Variants in ADAMTS2 observed in about 807,000 individuals in gnomAD.
ADAMTS2 encodes the protein ADAM metallopeptidase with thrombospondin type 1 motif 2.
Under a neutral mutation model 123.0 loss-of-function variants are expected in ADAMTS2, and 50 were observed. The observed-to-expected ratio is 0.41, with a 90% confidence interval of 0.32 to 0.51. The LOEUF (loss-of-function observed/expected upper bound fraction) is 0.51, where lower values mean the gene tolerates loss of function less well. Among genes scored for constraint, ADAMTS2 ranks in the 20% least tolerant of loss-of-function variants. ADAMTS2 has a pLI of 0.35. For missense variants in ADAMTS2, 1,494 were observed against 1,705.2 expected (o/e 0.88, Z 2.18); for synonymous variants, 678 against 695.4 (o/e 0.98, Z 0.39).
intron 2 of ADAMTS2, among the ~76,000 whole-genome samples, chr5:179,289,349 T>C (rs1422901432): frequency 6.6e-6 from 1 of 152,080 alleles, no homozygotes; most frequent in Non-Finnish European, 1.5e-5. Flanking sequence ...AATAACTGAA[T>C]AATAAATAAG....
At chr5:179,233,280 T>C (rs1217532903) in intron 3 of ADAMTS2, among the ~76,000 whole-genome samples, 1 of 152,242 alleles carries the variant, frequency 6.6e-6, no homozygotes, top group Admixed American at 6.5e-5. Flanking sequence ...TGACTGAACA[T>C]CATCAGTGCC....
At chr5:179,179,693 C>T (rs1259269637) in intron 5 of ADAMTS2, among the ~76,000 whole-genome samples, 4 of 152,134 alleles carry the variant, frequency 2.6e-5, no homozygotes, top group Admixed American at 6.5e-5. Flanking sequence ...AACTGGCATC[C>T]GCCCTGTGGG....
At position 179,341,072 on chromosome 5, in the gene ADAMTS2, T is replaced by C. The variant is rs181259045; in HGVS notation, c.534+2695A>G. 2.1e-3 allele frequency among the ~76,000 whole-genome samples: 315 copies of C among 152,262 alleles called. 2 individuals are homozygous for C. Among genetic ancestry groups the C allele is most frequent in the African/African-American group, 6.8e-3 (281 of 41,532 alleles). On this transcript the variant is annotated intron_variant, in intron 2 of 21. Transcript: ENST00000251582. ...CCTCCCAGAGCCTGAGTGCTCCACC[T>C]GTAACCAGGGATGAGATGCCTCCCC... is the stretch of plus-strand genomic sequence containing the variant.
chr5:179,111,452 A>G lies in ADAMTS2; in HGVS notation c.*2415T>C, dbSNP rs1481962384. On this transcript the variant is annotated 3_prime_UTR_variant, in exon 22 of 22. Coordinates refer to ENST00000251582, the MANE Select transcript of ADAMTS2 (RefSeq NM_014244.5). ...CGGTGAACGTTGGCATTCCTTGGAC[A>G]GACTTTTGAGGACCATCCGGCTCTA... 1 of 152,302 alleles carries G rather than the reference A, an allele frequency of 6.6e-6. No individual in the cohort carries two copies. Among genetic ancestry groups the G allele is most frequent in the African/African-American group, 2.4e-5 (1 of 41,464 alleles). The allele number at this position is 152,302 out of a possible 1,614,324, so 9.4% of individuals were successfully genotyped here.
intron 21 of ADAMTS2, among the ~76,000 whole-genome samples, chr5:179,114,603 T>C (rs1340467210): frequency 2.0e-5 from 3 of 152,344 alleles, no homozygotes; most frequent in East Asian, 1.9e-4. Flanking sequence ...TCAGTATCTC[T>C]TAAAGTTTGA....
At chr5:179,288,578 A>C (rs1219938297) in intron 2 of ADAMTS2, among the ~76,000 whole-genome samples, 4 of 152,204 alleles carry the variant, frequency 2.6e-5, no homozygotes, top group Admixed American at 1.3e-4. Flanking sequence ...GTGAGCCCAC[A>C]CTGGTGACTC....
chr5:179,211,137 G>A (rs868001045), intron 3 of ADAMTS2, among the ~76,000 whole-genome samples: 66 of 152,248 alleles, frequency 4.3e-4, no homozygotes, highest in African/African-American at 1.5e-3. Flanking sequence ...CAAGGCAGAA[G>A]AGGGCTATTT....
Position 179,296,180 on chromosome 5 carries a change from G to A in ADAMTS2, c.535-23116C>T, listed in dbSNP as rs1050058842. Among the ~76,000 whole-genome samples the A allele has an allele frequency of 3.3e-5, 5 of 152,322 alleles. No individual in the cohort carries two copies. In the East Asian group the frequency reaches 7.7e-4, roughly 24 times the overall value. ...CACAGGATCCACACCTCTGTGGTCC[G>A]TGGGACCTCAGCAGACGCTTTGGGT... On this transcript the variant is annotated intron_variant, in intron 2 of 21. Coordinates refer to ENST00000251582, the MANE Select transcript of ADAMTS2 (RefSeq NM_014244.5).
chr5:179,336,974 G>A (rs534948866), intron 2 of ADAMTS2, among the ~76,000 whole-genome samples: 9 of 152,318 alleles, frequency 5.9e-5, no homozygotes, highest in Admixed American at 2.0e-4. Context: ...GCCTCTGAGC[G>A]GAAGCTGTGC....
At chr5:179,297,952 C>T (rs1756389510) in intron 2 of ADAMTS2, among the ~76,000 whole-genome samples, 1 of 152,158 alleles carries the variant, frequency 6.6e-6, no homozygotes, top group Non-Finnish European at 1.5e-5. Context: ...CTGGCCTCTG[C>T]TGCTCCCTCC....
intron 10 of ADAMTS2, among the ~76,000 whole-genome samples, chr5:179,144,072 A>T (rs1164084503): frequency 6.6e-6 from 1 of 152,200 alleles, no homozygotes; most frequent in African/African-American, 2.4e-5. Flanking sequence ...TAACAAACAA[A>T]TTAACTGAGG....
intron 3 of ADAMTS2, among the ~76,000 whole-genome samples, chr5:179,264,330 G>C (rs1362891179): frequency 6.6e-6 from 1 of 152,204 alleles, no homozygotes; most frequent in Non-Finnish European, 1.5e-5. Flanking sequence ...TCCCAAGCAG[G>C]TCCCACTGCT....
rs1229013609 is a variant in ADAMTS2, at chr5:179,111,036, C to T, written c.*2831G>A. 1 of 152,180 alleles carries T rather than the reference C, an allele frequency of 6.6e-6. No individual in the cohort carries two copies. Among genetic ancestry groups the T allele is most frequent in the African/African-American group, 2.4e-5 (1 of 41,442 alleles). 9.4% of individuals were successfully genotyped at this position (152,180 alleles called of 1,614,324 possible). ...ATACAGGAGGGAGTGGAATCATAAA[C>T]TGCTTCATCTGCTAAGATGTTGCTA... On this transcript the variant is annotated 3_prime_UTR_variant, in exon 22 of 22. Transcript: ENST00000251582.
intron 3 of ADAMTS2, among the ~76,000 whole-genome samples, chr5:179,240,500 A>G (rs1765638929): frequency 6.6e-6 from 1 of 152,164 alleles, no homozygotes; most frequent in Non-Finnish European, 1.5e-5. Flanking sequence ...GGTCGGAGCA[A>G]AAGGGAACCG....
At chr5:179,154,244 G>C in intron 7 of ADAMTS2, 52 bp from the exon 8 acceptor site, 1 of 1,535,512 alleles carries the variant, frequency 6.5e-7, no homozygotes, top group Non-Finnish European at 8.7e-7. Context: ...GGGTCTGCCA[G>C]TCCCACCCCA....
intron 3 of ADAMTS2, among the ~76,000 whole-genome samples, chr5:179,231,569 C>T (rs890057939): frequency 1.6e-4 from 25 of 152,200 alleles, no homozygotes; most frequent in African/African-American, 4.8e-4. Flanking sequence ...CCTACCATGG[C>T]GAGCATAAAC....
chr5:179,247,177 A>T (rs1172442616), intron 3 of ADAMTS2, among the ~76,000 whole-genome samples: 1 of 152,186 alleles, frequency 6.6e-6, no homozygotes, highest in African/African-American at 2.4e-5. Context: ...AAAATAGAGA[A>T]TATCAATAAA....
At position 179,345,384 on chromosome 5, in the gene ADAMTS2, C is replaced by G; in HGVS notation, c.-56G>C. ...TCGCAGCCGGCGCGAAAGTTCCCCG[C>G]GAGCCGCCCAGCCCACATCTGGGGG... On this transcript the variant is annotated 5_prime_UTR_variant, in exon 1 of 22. Coordinates refer to ENST00000251582, the MANE Select transcript of ADAMTS2 (RefSeq NM_014244.5). The surrounding 1 kb of genome is among the most constrained non-coding windows in gnomAD (Gnocchi z 7.5). The G allele has an allele frequency of 9.1e-7, 1 of 1,103,788 alleles. No individual in the cohort carries two copies. The highest frequency in any genetic ancestry group is 1.1e-6 in the Non-Finnish European group (1 of 906,104). The allele number at this position is 1,103,788 out of a possible 1,614,324, so 68.4% of individuals were successfully genotyped here. A position where few individuals can be genotyped will look rare whatever the true frequency, so the allele number is the denominator to read the frequency against.
intron 4 of ADAMTS2, among the ~76,000 whole-genome samples, chr5:179,182,020 C>G (rs557073953): frequency 6.6e-6 from 1 of 152,278 alleles, no homozygotes; most frequent in African/African-American, 2.4e-5. Context: ...CCTAGCGCAG[C>G]CCCCTTCCTG....
Sources: gnomAD v4.1 joint callset for allele counts (sites outside exome capture counted in the v4.1 genomes callset) on GRCh38, gnomAD v4.1.1 for gene constraint, Gnocchi (gnomAD v3.1) non-coding constraint, MANE v1.5 for transcripts, NCBI Gene and HGNC (gene_info 2026-07-23, HGNC 2026-07-21) for gene names.